The following ZNF83 variants were observed in gnomAD, a reference collection of about 807,000 sequenced individuals.
ZNF83 encodes the protein zinc finger protein 83, also known as zinc finger protein 816B.
For missense variants in ZNF83, 552 were observed against 629.9 expected (o/e 0.88, Z 1.32); for synonymous variants, 209 against 213.0 (o/e 0.98, Z 0.17).
At chr19:52,687,035 G>T (rs1453938091) in intron 1 of ZNF83, among the ~76,000 whole-genome samples, 1 of 151,668 alleles carries the variant, frequency 6.6e-6, no homozygotes, top group Non-Finnish European at 1.5e-5. Context: ...TACAAAATTG[G>T]CCCAGAGTGG....
intron 2 of ZNF83, chr19:52,618,552 G>C (rs1321022946): frequency 4.7e-6 from 1 of 211,122 alleles, no homozygotes; most frequent in Non-Finnish European, 9.4e-6. Context: ...GTGAGCCACC[G>C]CGCCTGGCCA....
At chr19:52,684,971 C>T (rs2147367298) in intron 1 of ZNF83, among the ~76,000 whole-genome samples, 1 of 152,270 alleles carries the variant, frequency 6.6e-6, no homozygotes, top group Middle Eastern at 3.4e-3. Flanking sequence ...ACTGACATGA[C>T]CTGCTTTAGA....
Position 52,690,317 on chromosome 19 carries a change from G to C in ZNF83, c.-283+126C>G, listed in dbSNP as rs554873721. 9.1e-5 allele frequency: 14 copies of C among 153,040 alleles called. No individual in the cohort carries two copies. The South Asian group carries it at 2.8e-3, about 31-fold the overall frequency. The allele number at this position is 153,040 out of a possible 1,614,324, so 9.5% of individuals were successfully genotyped here. On this transcript the variant is annotated intron_variant, in intron 1 of 5. Coordinates refer to the ZNF83 transcript ENST00000594682. ...GAAGCGACTTCCAGACTCTCACGGG[G>C]ATGTCTCTATTTGCTCTGGGTGAAG...
chr19:52,612,994 T>G (rs1568520968), exon 3 of ZNF83: 1 of 1,552,852 alleles, frequency 6.4e-7, no homozygotes, highest in African/African-American at 1.4e-5. Context: ...GCTTTAATGC[T>G]AACTGAACAC....
At chr19:52,645,380 C>A (rs1005757971) in intron 3 of ZNF83, among the ~76,000 whole-genome samples, 1 of 152,026 alleles carries the variant, frequency 6.6e-6, no homozygotes, top group African/African-American at 2.4e-5. Flanking sequence ...AAAAATATAA[C>A]AAATTCTGGG....
intron 2 of ZNF83, among the ~76,000 whole-genome samples, chr19:52,626,925 TA>T (rs2060761080): frequency 6.6e-6 from 1 of 152,138 alleles, no homozygotes; most frequent in African/African-American, 2.4e-5. Context: ...ACTGCAGGTA[TA>T]CATCCAGATG....
chr19:52,637,994 C>G (rs2061209723), intron 1 of ZNF83, among the ~76,000 whole-genome samples: 1 of 152,146 alleles, frequency 6.6e-6, no homozygotes, highest in East Asian at 1.9e-4. Flanking sequence ...GGGAGGCGCC[C>G]AGGGCGGGAA....
At chr19:52,652,463 T>C in intron 3 of ZNF83, 2 of 413,654 alleles carry the variant, frequency 4.8e-6, no homozygotes, top group Non-Finnish European at 9.7e-6. Context: ...ACTGCCACAA[T>C]TATCACAGTT....
At position 52,638,296 on chromosome 19, in the gene ZNF83, G is replaced by A. The variant is rs1343912854; in HGVS notation, c.-322+16C>T. On this transcript the variant is annotated intron_variant, in intron 1 of 2. Coordinates refer to ENST00000301096, the Ensembl canonical transcript of ZNF83. ...GGACCTGGTAAGCGCAGACTTAATA[G>A]AAGAGCGAAACTCACCGCCACGGTG... is the stretch of plus-strand genomic sequence containing the variant. 6.8e-6 allele frequency: 1 copy of A among 147,458 alleles called. No individual in the cohort carries two copies. The highest frequency in any genetic ancestry group is 1.5e-5 in the Non-Finnish European group (1 of 65,844). 9.1% of individuals were successfully genotyped at this position (147,458 alleles called of 1,614,324 possible).
chr19:52,665,361 C>A (rs59130667), intron 1 of ZNF83, among the ~76,000 whole-genome samples: 2 of 151,638 alleles, frequency 1.3e-5, no homozygotes, highest in Non-Finnish European at 2.9e-5. Flanking sequence ...CCAGCCTGGG[C>A]GACAAAGTAA....
upstream of ZNF83, among the ~76,000 whole-genome samples, chr19:52,640,421 T>C (rs973219623): frequency 9.8e-5 from 15 of 152,292 alleles, no homozygotes; most frequent in African/African-American, 3.1e-4. Context: ...TGGTTATGGA[T>C]TGATACAATT....
intron 2 of ZNF83, among the ~76,000 whole-genome samples, chr19:52,658,690 TA>T (rs2061538999): frequency 6.6e-6 from 1 of 152,218 alleles, no homozygotes; most frequent in African/African-American, 2.4e-5. Context: ...ACCCGGTTCT[TA>T]CCTTAGAGCA....
chr19:52,689,576 T>G (rs2147392370), intron 1 of ZNF83, among the ~76,000 whole-genome samples: 1 of 152,334 alleles, frequency 6.6e-6, no homozygotes. Context: ...CCTTCATGTC[T>G]CTGTACATCC....
At chr19:52,683,226 CTCTGTGTGTGTGTGTGTGTGTG>C (rs1415291651) in intron 1 of ZNF83, among the ~76,000 whole-genome samples, 3 of 135,652 alleles carry the variant, frequency 2.2e-5, no homozygotes, top group Non-Finnish European at 3.2e-5. Context: ...TGCCCTGTGA[CTCTGTGTGTGTGTGTGTGTGTG>C]TGTGTGTGTG....
intron 1 of ZNF83, among the ~76,000 whole-genome samples, chr19:52,666,922 A>T (rs1040553523): frequency 1.2e-4 from 18 of 152,200 alleles, no homozygotes; most frequent in African/African-American, 3.6e-4. Context: ...GAGTTAGGAA[A>T]ATTGCCTAAT....
At chr19:52,639,309 T>A (rs2061252914), upstream of ZNF83, among the ~76,000 whole-genome samples, 1 of 151,838 alleles carries the variant, frequency 6.6e-6, no homozygotes, top group Non-Finnish European at 1.5e-5. Flanking sequence ...TGGTCTCAAA[T>A]TTCCGACCTC....
chr19:52,661,823 G>A (rs1323005940), intron 1 of ZNF83, among the ~76,000 whole-genome samples: 1 of 152,148 alleles, frequency 6.6e-6, no homozygotes. Context: ...TGGGGCCTGT[G>A]GGAGATCACA....
At position 52,655,539 on chromosome 19, in the gene ZNF83, TC is replaced by T; in HGVS notation, c.-74+21del. 4.1e-6 allele frequency: 6 copies of T among 1,472,750 alleles called. 1 individual carries two copies. The South Asian group carries it at 5.7e-5, about 14-fold the overall frequency. The allele number at this position is 1,472,750 out of a possible 1,614,324, so 91.2% of individuals were successfully genotyped here. A position where few individuals can be genotyped will look rare whatever the true frequency, so the allele number is the denominator to read the frequency against. Reference sequence around the variant, plus strand: ...GATAGACAAGGGCAGATTCCTCACATCAGGAGGGACATTTTCCTCACCCACA... The same window carrying T: ...GATAGACAAGGGCAGATTCCTCACATAGGAGGGACATTTTCCTCACCCACA... On this transcript the variant is annotated intron_variant, in intron 3 of 5. Transcript: ENST00000594682.
chr19:52,668,648 C>A (rs2061684985), intron 1 of ZNF83, among the ~76,000 whole-genome samples: 1 of 152,100 alleles, frequency 6.6e-6, no homozygotes, highest in South Asian at 2.1e-4. Flanking sequence ...AAATAGGAGA[C>A]CTAAGGCAAA....
Sources: allele counts gnomAD v4.1 joint callset (sites outside exome capture counted in the v4.1 genomes callset), GRCh38; gene constraint gnomAD v4.1.1; transcripts MANE v1.5; gene names NCBI Gene and HGNC (gene_info 2026-07-23, HGNC 2026-07-21).